Variants in PCSK5 observed in about 807,000 individuals in gnomAD.
PCSK5 encodes prohormone convertase 5.
A neutral mutation model predicts 233.2 loss-of-function variants in PCSK5; 129 were observed. The observed-to-expected ratio is 0.55, with a 90% CI of 0.48 to 0.64. PCSK5 has a LOEUF of 0.64. Among genes scored for constraint, PCSK5 ranks in the 30% least tolerant of loss-of-function variants. The pLI is 0.00. For synonymous variants in PCSK5, 825 were observed against 879.2 expected, an observed-to-expected ratio of 0.94 and a Z score of 1.09; for missense variants, 2,076 against 2,430.1, an observed-to-expected ratio of 0.85 and a Z score of 3.06.
Position 76,045,690 on chromosome 9 carries a change from T to C in PCSK5, c.632+18653T>C, listed in dbSNP as rs532363223. 2.7e-4 allele frequency among the ~76,000 whole-genome samples: 41 copies of C among 152,366 alleles called. No homozygotes were observed. In the South Asian group the frequency reaches 8.3e-3, roughly 31 times the overall value. On this transcript the variant is annotated intron_variant, in intron 5 of 37. Coordinates refer to ENST00000674117, the MANE Select transcript of PCSK5 (RefSeq NM_001372043.1). Reference sequence around the variant, plus strand: ...ATCTCTTTTCTACCCTTCACAAAGTTCTTTAACTCATTGTGATTTATTAAT... The same window carrying C: ...ATCTCTTTTCTACCCTTCACAAAGTCCTTTAACTCATTGTGATTTATTAAT...
At chr9:76,029,772 G>A (rs988162789) in intron 5 of PCSK5, among the ~76,000 whole-genome samples, 2 of 152,256 alleles carry the variant, frequency 1.3e-5, no homozygotes, top group Non-Finnish European at 2.9e-5. Context: ...CACAGGTCAG[G>A]AACCCTGTAG....
intron 1 of PCSK5, among the ~76,000 whole-genome samples, chr9:75,906,507 G>A (rs1587342134): frequency 6.6e-6 from 1 of 152,190 alleles, no homozygotes; most frequent in African/African-American, 2.4e-5. Context: ...TTACAGGCGT[G>A]AGTCACTGCG....
chr9:75,927,599 A>G (rs1164234195), intron 1 of PCSK5, among the ~76,000 whole-genome samples: 1 of 152,090 alleles, frequency 6.6e-6, no homozygotes, highest in Admixed American at 6.6e-5. Context: ...TAGACTGTTG[A>G]GGGGTTTCGC....
intron 1 of PCSK5, among the ~76,000 whole-genome samples, chr9:75,906,295 G>T (rs573092270): frequency 2.3e-4 from 35 of 152,064 alleles, no homozygotes; most frequent in South Asian, 6.2e-4. Context: ...GCGCAATCTC[G>T]GCTCACTGCA....
intron 36 of PCSK5, among the ~76,000 whole-genome samples, chr9:76,352,659 C>T (rs1052687104): frequency 6.6e-6 from 1 of 152,022 alleles, no homozygotes; most frequent in Admixed American, 6.6e-5. Flanking sequence ...TGAGCCACTG[C>T]GCCCGGCAAG....
rs1466402123 is a variant in PCSK5 at position 76,302,157 on chromosome 9, C to CTA, written c.3546_3547dup (p.Ser1183TyrfsTer4). 1 of 1,344,520 alleles carries CTA rather than the reference C, an allele frequency of 7.4e-7. No individual in the cohort carries two copies. Among genetic ancestry groups the CTA allele is most frequent in the Non-Finnish European group, 9.9e-7 (1 of 1,013,624 alleles). 83.3% of individuals were successfully genotyped at this position (1,344,520 alleles called of 1,614,324 possible). A position where few individuals can be genotyped will look rare whatever the true frequency, so the allele number is the denominator to read the frequency against. ...AAAAGAAGCTGTGTCCACTGCAAAC[C>CTA]TATCTGTGGTGAAGAGCCTGCTGCA... On this transcript the variant is annotated frameshift_variant, in exon 28 of 38. Coordinates refer to ENST00000674117, the MANE Select transcript of PCSK5 (RefSeq NM_001372043.1). LOFTEE classifies it high-confidence loss of function.
intron 2 of PCSK5, among the ~76,000 whole-genome samples, chr9:75,941,161 G>T (rs1824285645): frequency 6.6e-6 from 1 of 152,136 alleles, no homozygotes; most frequent in African/African-American, 2.4e-5. Context: ...GTTTTCTTTG[G>T]CAGGTTAACG....
At chr9:76,230,731 T>C (rs1216847201) in intron 21 of PCSK5, among the ~76,000 whole-genome samples, 3 of 152,100 alleles carry the variant, frequency 2.0e-5, no homozygotes, top group East Asian at 1.9e-4. Context: ...GTGAACCATA[T>C]TGTGCACTGC....
At chr9:76,320,677 C>G (rs10118226) in intron 30 of PCSK5, among the ~76,000 whole-genome samples, 1 of 150,776 alleles carries the variant, frequency 6.6e-6, no homozygotes. Context: ...TTTTGCCATG[C>G]TGGCCAAGCC....
intron 1 of PCSK5, among the ~76,000 whole-genome samples, chr9:75,920,241 A>G (rs62555869): frequency 0.12 from 18,006 of 152,144 alleles, 1,706 homozygotes; most frequent in African/African-American, 0.26. Flanking sequence ...TTTAAAACTC[A>G]GAGTGACAGG....
intron 2 of PCSK5, among the ~76,000 whole-genome samples, chr9:75,960,568 A>T (rs1158260550): frequency 6.6e-6 from 1 of 152,266 alleles, no homozygotes; most frequent in Non-Finnish European, 1.5e-5. Context: ...AGGAAATTTA[A>T]GACGCCAAAG....
chr9:75,944,124 C>T (rs1056370618), intron 2 of PCSK5, among the ~76,000 whole-genome samples: 4 of 151,772 alleles, frequency 2.6e-5, no homozygotes, highest in Non-Finnish European at 5.9e-5. Flanking sequence ...GATTACACCA[C>T]TGCACTCCAG....
rs1456549990 is a variant in PCSK5, at chr9:76,358,521, A to C, written c.5263A>C (p.Ile1755Leu). 1 of 1,608,136 alleles carries C rather than the reference A, an allele frequency of 6.2e-7. No homozygotes were observed. Among genetic ancestry groups the C allele is most frequent in the African/African-American group, 1.3e-5 (1 of 74,822 alleles). The change falls in exon 38 of 38, where the codon ATC becomes CTC. Residue 1755 changes from isoleucine to leucine, a missense_variant. Physicochemically the swap from Ile to Leu is conservative, Grantham distance 5. This residue lies in a region of PCSK5 where 1,510 missense variants were observed against 1,538.1 expected (regional missense o/e 0.98). Coordinates refer to ENST00000674117, the MANE Select transcript of PCSK5 (RefSeq NM_001372043.1). ...AGGTCTTCTTCCAACAGACGAATGC[A>C]TCCTTCGAACAAGCAAGGTTAGGCC... ...CDCQDTTDEC[I>L]LRTSKVRPAT...
chr9:76,074,181 G>C (rs1830567530), intron 7 of PCSK5, among the ~76,000 whole-genome samples: 1 of 152,190 alleles, frequency 6.6e-6, no homozygotes, highest in Non-Finnish European at 1.5e-5. Flanking sequence ...TGCAAACAGA[G>C]ATTATATACC....
chr9:75,919,330 T>C (rs574738376), intron 1 of PCSK5, among the ~76,000 whole-genome samples: 1 of 152,360 alleles, frequency 6.6e-6, no homozygotes, highest in African/African-American at 2.4e-5. Context: ...TGACATTGTA[T>C]GGATGTACCA....
chr9:76,335,231 C>T (rs184856416), intron 34 of PCSK5, among the ~76,000 whole-genome samples: 1 of 152,290 alleles, frequency 6.6e-6, no homozygotes, highest in East Asian at 1.9e-4. Context: ...GCTTGATCAT[C>T]CTGTGATCTA....
chr9:76,025,038 A>G (rs1315695753), intron 4 of PCSK5, among the ~76,000 whole-genome samples: 1 of 152,158 alleles, frequency 6.6e-6, no homozygotes, highest in Non-Finnish European at 1.5e-5. Context: ...TTCGTGCTCC[A>G]AAGGACACTT....
At chr9:76,219,480 A>C (rs1825651393) in intron 20 of PCSK5, among the ~76,000 whole-genome samples, 1 of 152,188 alleles carries the variant, frequency 6.6e-6, no homozygotes, top group Middle Eastern at 3.2e-3. Context: ...TGTAACAAGG[A>C]ACATTTGGGT....
chr9:76,090,640 A>T (rs944566876), intron 7 of PCSK5, among the ~76,000 whole-genome samples: 19 of 152,148 alleles, frequency 1.2e-4, no homozygotes, highest in Admixed American at 1.3e-4. Context: ...ACTGTAACAA[A>T]ACAGCACAGA....
Sources: gnomAD v4.1 joint callset for allele counts (sites outside exome capture counted in the v4.1 genomes callset) on GRCh38, gnomAD v4.1.1 for gene constraint, gnomAD v4.1.1 regional missense constraint, MANE v1.5 for transcripts, NCBI Gene and HGNC (gene_info 2026-07-23, HGNC 2026-07-21) for gene names.